Variants in ALPK1 observed in about 807,000 individuals in gnomAD.
The protein encoded by ALPK1 is alpha kinase 1.
ALPK1 carries 110 observed loss-of-function variants against 120.6 expected under a neutral mutation model. That is an observed-to-expected ratio of 0.91 (90% confidence interval 0.78 to 1.07). ALPK1 has a LOEUF of 1.07. Among genes scored for constraint, ALPK1 ranks in the 50% least tolerant of loss-of-function variants. The pLI is 0.00. For synonymous variants in ALPK1, 582 were observed against 560.3 expected (o/e 1.04, Z -0.55); for missense variants, 1,498 against 1,483.9 (o/e 1.01, Z -0.16).
In ALPK1 at chr4:112,432,241, C is replaced by G. The variant is rs1734596705; in HGVS notation, c.2694C>G (p.Phe898Leu). ...CCTCTGTAAGCGGTAACATCCTCTT[C>G]CCTGTCCTCAGCGAGGACTGCACTA... Reference protein sequence around the residue: ...PNSSVSGNILFPVLSEDCTTT... With the variant: ...PNSSVSGNILLPVLSEDCTTT... The change falls in exon 11 of 16, where the codon TTC becomes TTG. Residue 898 changes from phenylalanine to leucine, a missense_variant. Physicochemically the swap from Phe to Leu is conservative, Grantham distance 22. Transcript: ENST00000650871. The G allele has an allele frequency of 1.2e-6, 2 of 1,614,204 alleles. No homozygotes were observed. Among genetic ancestry groups the G allele is most frequent in the Non-Finnish European group, 1.7e-6 (2 of 1,180,030 alleles).
chr4:112,373,897 A>T (rs907993125), intron 2 of ALPK1, among the ~76,000 whole-genome samples: 3 of 152,240 alleles, frequency 2.0e-5, no homozygotes, highest in African/African-American at 7.2e-5. Flanking sequence ...AAAAATGCTA[A>T]TGATTATCTG....
At chr4:112,374,122 G>A (rs556343618) in intron 2 of ALPK1, among the ~76,000 whole-genome samples, 1 of 152,278 alleles carries the variant, frequency 6.6e-6, no homozygotes, top group South Asian at 2.1e-4. Context: ...TTCACCCATG[G>A]TAGAACTTCT....
Position 112,431,802 on chromosome 4 carries a change from A to G in ALPK1, c.2255A>G (p.Glu752Gly), listed in dbSNP as rs1371506580. 6.2e-7 allele frequency: 1 copy of G among 1,614,214 alleles called. No individual in the cohort carries two copies. Among genetic ancestry groups the G allele is most frequent in the Non-Finnish European group, 8.5e-7 (1 of 1,180,030 alleles). Reference protein sequence around the residue: ...EAFEIIVEFPETNCDVKDRQG... With the variant: ...EAFEIIVEFPGTNCDVKDRQG... ...TTTGAAATAATTGTTGAGTTTCCAGAAACCAACTGCGATGTCAAAGACAGG... is the reference window on the plus strand; with the variant it reads ...TTTGAAATAATTGTTGAGTTTCCAGGAACCAACTGCGATGTCAAAGACAGG... Residue 752 changes from glutamate to glycine, a missense_variant, in exon 11 of 16, where the codon GAA (glutamate) becomes GGA (glycine). Transcript: ENST00000650871.
chr4:112,391,518 G>A (rs964028403), intron 4 of ALPK1, among the ~76,000 whole-genome samples: 2 of 152,164 alleles, frequency 1.3e-5, no homozygotes, highest in South Asian at 2.1e-4. Flanking sequence ...TAAAGTTATT[G>A]TAGATGGAAT....
chr4:112,399,987 C>G (rs1732835814), intron 4 of ALPK1, among the ~76,000 whole-genome samples: 2 of 152,132 alleles, frequency 1.3e-5, no homozygotes, highest in South Asian at 2.1e-4. Context: ...TTTTCTTTAT[C>G]CAGTCTATCA....
At position 112,305,041 on chromosome 4, in the gene ALPK1, T is replaced by C. The variant is rs533036829; in HGVS notation, c.-153+7572T>C. On this transcript the variant is annotated intron_variant, in intron 1 of 15. Coordinates refer to ENST00000650871, the MANE Select transcript of ALPK1 (RefSeq NM_025144.4). ...CCATTTCTTGTTTTTGTCAGGTTTG[T>C]CAAAGATCAGATGGTTGTAGAGGTG... 6.1e-4 allele frequency among the ~76,000 whole-genome samples: 93 copies of C among 152,266 alleles called. 3 individuals are homozygous for C. In the South Asian group the frequency reaches 9.1e-3, roughly 15 times the overall value.
chr4:112,312,306 C>G (rs1338837774), intron 1 of ALPK1, among the ~76,000 whole-genome samples: 3 of 151,414 alleles, frequency 2.0e-5, no homozygotes, highest in Non-Finnish European at 2.9e-5. Context: ...TGGAGTCTTG[C>G]TCTGTCGCCC....
At chr4:112,368,187 G>A (rs903026587) in intron 2 of ALPK1, among the ~76,000 whole-genome samples, 7 of 152,054 alleles carry the variant, frequency 4.6e-5, no homozygotes, top group Non-Finnish European at 1.0e-4. Flanking sequence ...CAAAGTACTG[G>A]GATTACAGGC....
At position 112,309,807 on chromosome 4, in the gene ALPK1, G is replaced by A. The variant is rs948966046; in HGVS notation, c.-152-5994G>A. On this transcript the variant is annotated intron_variant, in intron 1 of 15. Coordinates refer to ENST00000650871, the MANE Select transcript of ALPK1 (RefSeq NM_025144.4). Reference sequence around the variant, plus strand: ...TGTTGCAAGACCATTTCCTTCGTTTGTGGCCTATTTTATTTCTAAGACCCA... The same window carrying A: ...TGTTGCAAGACCATTTCCTTCGTTTATGGCCTATTTTATTTCTAAGACCCA... Among the ~76,000 whole-genome samples the A allele has an allele frequency of 3.3e-5, 5 of 151,914 alleles. 1 individual carries two copies. Among genetic ancestry groups the A allele is most frequent in the African/African-American group, 1.2e-4 (5 of 41,274 alleles).
chr4:112,390,916 A>G (rs1167886825), intron 4 of ALPK1, among the ~76,000 whole-genome samples: 2 of 152,222 alleles, frequency 1.3e-5, no homozygotes, highest in African/African-American at 4.8e-5. Flanking sequence ...TGAACTGCCA[A>G]GGAAAGAATG....
At chr4:112,391,244 G>C (rs1732403286) in intron 4 of ALPK1, among the ~76,000 whole-genome samples, 1 of 152,278 alleles carries the variant, frequency 6.6e-6, no homozygotes, top group African/African-American at 2.4e-5. Flanking sequence ...TCAGCAATTG[G>C]AAGTTTTCCT....
At chr4:112,351,773 CT>C (rs1227208729) in intron 2 of ALPK1, among the ~76,000 whole-genome samples, 1 of 152,134 alleles carries the variant, frequency 6.6e-6, no homozygotes, top group Non-Finnish European at 1.5e-5. Context: ...TGTGCCCAGT[CT>C]TTTATTTCAT....
intron 2 of ALPK1, among the ~76,000 whole-genome samples, chr4:112,327,649 T>C (rs1271972237): frequency 6.6e-6 from 1 of 152,130 alleles, no homozygotes; most frequent in Non-Finnish European, 1.5e-5. Flanking sequence ...CAAACAATGT[T>C]GTCTAGGCTG....
intron 2 of ALPK1, chr4:112,358,140 C>A: frequency 1.6e-6 from 1 of 613,736 alleles, no homozygotes; most frequent in South Asian, 1.4e-5. Context: ...CAGTTCCTCT[C>A]TGGGCAGGCG....
At chr4:112,324,235 G>A (rs546373417) in intron 2 of ALPK1, among the ~76,000 whole-genome samples, 11 of 151,924 alleles carry the variant, frequency 7.2e-5, no homozygotes, top group Middle Eastern at 3.4e-3. Flanking sequence ...GCTGAGGCAG[G>A]AGAATGGCTT....
At chr4:112,409,149 G>A (rs1231320812) in intron 4 of ALPK1, among the ~76,000 whole-genome samples, 1 of 152,052 alleles carries the variant, frequency 6.6e-6, no homozygotes, top group Non-Finnish European at 1.5e-5. Context: ...TTTAAAGCCT[G>A]GCCACAGAAT....
chr4:112,329,280 A>G (rs575859758), intron 2 of ALPK1, among the ~76,000 whole-genome samples: 1 of 152,334 alleles, frequency 6.6e-6, no homozygotes, highest in East Asian at 1.9e-4. Flanking sequence ...CAATAGAAAA[A>G]GAGAAAAGCT....
chr4:112,418,769 G>T (rs1733860250), intron 5 of ALPK1, among the ~76,000 whole-genome samples: 1 of 152,080 alleles, frequency 6.6e-6, no homozygotes, highest in Non-Finnish European at 1.5e-5. Flanking sequence ...CTGCATAGGA[G>T]GGAACTTTCT....
chr4:112,309,700 C>T (rs1728310529), intron 1 of ALPK1, among the ~76,000 whole-genome samples: 1 of 152,118 alleles, frequency 6.6e-6, no homozygotes, highest in African/African-American at 2.4e-5. Context: ...TCCAATACCC[C>T]AGATGAAGCT....
Sources: gnomAD v4.1 joint callset for allele counts (sites outside exome capture counted in the v4.1 genomes callset) on GRCh38, gnomAD v4.1.1 for gene constraint, MANE v1.5 for transcripts, NCBI Gene and HGNC (gene_info 2026-07-23, HGNC 2026-07-21) for gene names.